The following PHYKPL variants were observed in gnomAD, a reference collection of about 807,000 sequenced individuals.
The protein encoded by PHYKPL is 5-phosphonooxy-L-lysine phospho-lyase.
PHYKPL carries 42 observed loss-of-function variants against 51.3 expected under a neutral mutation model. That is an observed-to-expected ratio of 0.82 (90% confidence interval 0.64 to 1.06). The LOEUF (loss-of-function observed/expected upper bound fraction) is 1.06. PHYKPL is among the 50% of genes least tolerant of loss of function. PHYKPL has a pLI of 0.00. For missense variants in PHYKPL, 655 were observed against 586.6 expected (o/e 1.12, Z -1.20); for synonymous variants, 264 against 236.0 (o/e 1.12, Z -1.09).
chr5:178,215,171 G>C, intron 9 of PHYKPL, 105 bp downstream of exon 9: 1 of 1,551,398 alleles, frequency 6.4e-7, no homozygotes. Flanking sequence ...AGTTCCTCTT[G>C]AGAGCGGACA....
intron 8 of PHYKPL, chr5:178,215,677 A>G (rs1421363477): frequency 9.9e-6 from 5 of 505,378 alleles, no homozygotes; most frequent in East Asian, 3.5e-5. Flanking sequence ...AGGAGCCCCT[A>G]GAAGATACAG....
chr5:178,231,610 C>G (rs1486237326), intron 1 of PHYKPL, 87 bp from the exon 2 acceptor site: 9 of 1,598,020 alleles, frequency 5.6e-6, no homozygotes, highest in African/African-American at 1.4e-5. Context: ...CCACCCCTTC[C>G]CAGTTTCTGG....
At chr5:178,210,758 A>G (rs1203372256) in intron 12 of PHYKPL, 3 of 706,318 alleles carry the variant, frequency 4.2e-6, no homozygotes, top group Non-Finnish European at 7.5e-6. Context: ...AATTTCCCCC[A>G]TGGAAATCAC....
chr5:178,231,163 C>G (rs149204359), intron 2 of PHYKPL, among the ~76,000 whole-genome samples: 4 of 152,352 alleles, frequency 2.6e-5, no homozygotes, highest in Middle Eastern at 3.4e-3. Context: ...GTGAGCTCAT[C>G]ATCAGTCCCA....
chr5:178,232,689 A>G lies in PHYKPL; in HGVS notation c.-139T>C, dbSNP rs1763777897. Reference sequence around the variant, plus strand: ...CAGGTTCGCACTCGGCCCCGCCCCGAAGCGCCCGCGTTGCGGTGGTTCATT... The same window carrying G: ...CAGGTTCGCACTCGGCCCCGCCCCGGAGCGCCCGCGTTGCGGTGGTTCATT... On this transcript the variant is annotated 5_prime_UTR_variant, in exon 1 of 13. Transcript: ENST00000308158. The G allele has an allele frequency of 1.0e-6, 1 of 967,238 alleles. No homozygotes were observed. Among genetic ancestry groups the G allele is most frequent in the Non-Finnish European group, 1.3e-6 (1 of 751,884 alleles). 59.9% of individuals were successfully genotyped at this position (967,238 alleles called of 1,614,324 possible).
At chr5:178,212,048 C>T in intron 11 of PHYKPL, 78 bp from the exon 12 acceptor site, 1 of 1,510,704 alleles carries the variant, frequency 6.6e-7, no homozygotes, top group Non-Finnish European at 9.2e-7. Context: ...AGTGTCCAAA[C>T]TGGAGGACAG....
chr5:178,209,265 G>C (rs577226985), intron 12 of PHYKPL: 1 of 1,211,902 alleles, frequency 8.3e-7, no homozygotes, highest in Admixed American at 1.7e-5. Flanking sequence ...CGCAGTGAAG[G>C]TGTTTGGGCA....
At chr5:178,216,357 G>A (rs1024165970) in intron 8 of PHYKPL, 1 of 152,208 alleles carries the variant, frequency 6.6e-6, no homozygotes, top group Non-Finnish European at 1.5e-5. Flanking sequence ...AGCCTCTGCA[G>A]AATGAGGAAG....
At chr5:178,230,264 G>A (rs1009439057) in intron 2 of PHYKPL, 165 bp from the exon 3 acceptor site, 2 of 787,584 alleles carry the variant, frequency 2.5e-6, no homozygotes, top group East Asian at 2.7e-5. Flanking sequence ...AGCTGGTTCT[G>A]GAAAGGCAGA....
At position 178,214,806 on chromosome 5, in the gene PHYKPL, A is replaced by T. The variant is rs1759414855; in HGVS notation, c.1162T>A (p.Leu388Met). The change falls in exon 10 of 13, where the codon TTG (leucine) becomes ATG (methionine). Residue 388 changes from leucine (L) to methionine (M), a missense_variant. Transcript: ENST00000308158. ...RTPATEEAAY[L>M]VSRLKENYVL... ...TCAAGAAGAAAATACCTTGATACCA[A>T]GTAGGCAGCCTCTTCAGTTGCTGGT... 6.2e-7 allele frequency: 1 copy of T among 1,613,982 alleles called. No homozygotes were observed. Among genetic ancestry groups the T allele is most frequent in the Admixed American group, 1.7e-5 (1 of 60,024 alleles).
chr5:178,213,235 T>G, intron 10 of PHYKPL, 132 bp from the exon 11 acceptor site: 1 of 1,228,928 alleles, frequency 8.1e-7, no homozygotes, highest in South Asian at 1.5e-5. Flanking sequence ...GTCATTTTAC[T>G]GGTCACCTCT....
At chr5:178,228,659 G>A (rs1252254113) in intron 3 of PHYKPL, 1 of 700,838 alleles carries the variant, frequency 1.4e-6, no homozygotes, top group South Asian at 1.5e-5. Flanking sequence ...TACTGTGTGA[G>A]TGGCCACAGT....
chr5:178,229,888 G>C (rs1263554050), intron 3 of PHYKPL, 52 bp downstream of exon 3: 17 of 1,593,934 alleles, frequency 1.1e-5, no homozygotes, highest in Non-Finnish European at 1.5e-5. Flanking sequence ...GTGAGTGACT[G>C]TCTTTGTTAC....
At chr5:178,214,728 T>C (rs1160011735) in intron 10 of PHYKPL, 68 bp downstream of exon 10, 3 of 1,407,632 alleles carry the variant, frequency 2.1e-6, no homozygotes, top group Non-Finnish European at 2.0e-6. Flanking sequence ...TCCTTTCCAC[T>C]GGCCCTGCAA....
chr5:178,210,791 G>A (rs1358068784), intron 12 of PHYKPL: 1 of 639,638 alleles, frequency 1.6e-6, no homozygotes, highest in East Asian at 2.8e-5. Context: ...TATTTCCAGA[G>A]CTCTAGGTGT....
At chr5:178,219,253 A>C (rs946557169) in intron 8 of PHYKPL, among the ~76,000 whole-genome samples, 4 of 152,222 alleles carry the variant, frequency 2.6e-5, no homozygotes, top group Admixed American at 6.5e-5. Context: ...GAGTGAAGAC[A>C]GGTTATAAAC....
chr5:178,232,011 C>G, intron 1 of PHYKPL: 2 of 1,202,688 alleles, frequency 1.7e-6, no homozygotes, highest in South Asian at 3.0e-5. Flanking sequence ...ACCGTCCCAC[C>G]GAGGGCCCCC....
chr5:178,214,107 T>C (rs1179346142), intron 10 of PHYKPL, among the ~76,000 whole-genome samples: 2 of 152,048 alleles, frequency 1.3e-5, no homozygotes, highest in African/African-American at 2.4e-5. Flanking sequence ...AGCACAGAGA[T>C]TTACATCAAT....
intron 12 of PHYKPL, chr5:178,210,465 G>A: frequency 6.7e-7 from 1 of 1,500,402 alleles, no homozygotes; most frequent in Admixed American, 1.7e-5. Context: ...GTCACGGCTG[G>A]TGAGGGTCCT....
Sources: gnomAD v4.1 joint callset for allele counts (sites outside exome capture counted in the v4.1 genomes callset) on GRCh38, gnomAD v4.1.1 for gene constraint, MANE v1.5 for transcripts, NCBI Gene and HGNC (gene_info 2026-07-23, HGNC 2026-07-21) for gene names.